CCT4: variants seen among roughly 807,000 people sequenced by gnomAD.
CCT4 encodes chaperonin containing TCP1 subunit 4.
A neutral mutation model predicts 62.5 loss-of-function variants in CCT4; 17 were observed. That is an observed-to-expected ratio of 0.27 (90% CI 0.19 to 0.41). The LOEUF (loss-of-function observed/expected upper bound fraction) is 0.41. Among genes scored for constraint, CCT4 ranks in the 10% least tolerant of loss-of-function variants. CCT4 has a pLI of 1.00. For synonymous variants in CCT4, 250 were observed against 229.9 expected (o/e 1.09, Z -0.79); for missense variants, 592 against 659.2 (o/e 0.90, Z 1.12).
chr2:61,869,383 TA>T, intron 13 of CCT4, 56 bp downstream of exon 13: 1 of 962,978 alleles, frequency 1.0e-6, no homozygotes, highest in Non-Finnish European at 1.7e-6. Context: ...AAAAAACCTT[TA>T]AAAAATATAT....
chr2:61,877,200 C>T, intron 6 of CCT4, 148 bp from the exon 7 acceptor site: 1 of 885,162 alleles, frequency 1.1e-6, no homozygotes, highest in Middle Eastern at 2.5e-4. Context: ...CTCTTTGATC[C>T]ACTGCTGCCT....
intron 10 of CCT4, 132 bp downstream of exon 10, chr2:61,872,870 T>C (rs1473173495): frequency 2.9e-6 from 2 of 696,196 alleles, no homozygotes; most frequent in Non-Finnish European, 5.1e-6. Flanking sequence ...GAGCTTGTAG[T>C]GAGCCAAGAT....
chr2:61,875,034 C>T lies in CCT4; in HGVS notation c.917+1061G>A, dbSNP rs1413326293. Among the ~76,000 whole-genome samples, 6 of 151,244 alleles carry T rather than the reference C, an allele frequency of 4.0e-5. No individual in the cohort carries two copies. In the East Asian group the frequency reaches 7.8e-4, roughly 20 times the overall value. On this transcript the variant is annotated intron_variant, in intron 8 of 13. Coordinates refer to ENST00000394440, the MANE Select transcript of CCT4 (RefSeq NM_006430.4). Reference sequence around the variant, plus strand: ...GCACATGCCTGTAATCCCAACTACTCGGGAGGCTGAGGCAGGAGACTTGCG... The same window carrying T: ...GCACATGCCTGTAATCCCAACTACTTGGGAGGCTGAGGCAGGAGACTTGCG...
chr2:61,888,481 G>A lies in CCT4; in HGVS notation c.27C>T (p.Ser9=), dbSNP rs544614460. MPENVAPR[S]GATAGAAGGR... is the part of the protein sequence containing the mutation. ...CGCCGGCAGCCCCGGCAGTCGCCCCGCTCCGGGGTGCCACATTCTCGGGCA... is the reference window on the plus strand; with the variant it reads ...CGCCGGCAGCCCCGGCAGTCGCCCCACTCCGGGGTGCCACATTCTCGGGCA... Residue 9 remains serine, a synonymous_variant, in exon 1 of 14, where the codon AGC becomes AGT. Coordinates refer to ENST00000394440, the MANE Select transcript of CCT4 (RefSeq NM_006430.4). 10 of 1,611,778 alleles carry A rather than the reference G, an allele frequency of 6.2e-6. No homozygotes were observed. Among genetic ancestry groups the A allele is most frequent in the Middle Eastern group, 1.7e-4 (1 of 6,044 alleles).
At chr2:61,877,264 T>C in intron 6 of CCT4, 129 bp downstream of exon 6, 1 of 1,043,490 alleles carries the variant, frequency 9.6e-7, no homozygotes, top group Non-Finnish European at 1.4e-6. Flanking sequence ...CTAATACAAA[T>C]TCTCACGAAA....
intron 4 of CCT4, among the ~76,000 whole-genome samples, chr2:61,879,567 C>T (rs946133112): frequency 2.6e-5 from 4 of 151,224 alleles, no homozygotes; most frequent in Non-Finnish European, 5.9e-5. Flanking sequence ...TATGAGTCAC[C>T]GCACCTGGCC....
chr2:61,886,017 C>G (rs1205802897), intron 1 of CCT4: 1 of 152,186 alleles, frequency 6.6e-6, no homozygotes, highest in East Asian at 1.9e-4. Context: ...AGAGCAAAGA[C>G]TTTTGTTCAC....
At chr2:61,882,821 T>C (rs574278776) in intron 3 of CCT4, among the ~76,000 whole-genome samples, 2,290 of 152,126 alleles carry the variant, frequency 0.015, 23 homozygotes, top group Non-Finnish European at 0.026. Flanking sequence ...TTTTTTTTTT[T>C]TTCTGGGGTT....
chr2:61,883,019 C>T (rs375514860), intron 3 of CCT4, among the ~76,000 whole-genome samples: 5 of 152,136 alleles, frequency 3.3e-5, no homozygotes, highest in African/African-American at 9.7e-5. Flanking sequence ...GTTAGGCACA[C>T]AATGTATCCT....
intron 2 of CCT4, 97 bp downstream of exon 2, chr2:61,884,923 G>A (rs1162533582): frequency 2.7e-5 from 29 of 1,073,712 alleles, no homozygotes; most frequent in Middle Eastern, 2.0e-4. Context: ...ACCACGCCCA[G>A]CCCCACTTTT....
intron 5 of CCT4, 117 bp downstream of exon 5, chr2:61,878,752 T>G (rs1001563895): frequency 3.1e-6 from 2 of 646,426 alleles, no homozygotes; most frequent in Non-Finnish European, 2.6e-6. Flanking sequence ...TTATACAGAT[T>G]ATAACAGTTA....
chr2:61,883,773 G>GACAGAGAC (rs1216181852), intron 2 of CCT4, among the ~76,000 whole-genome samples: 1 of 143,838 alleles, frequency 7.0e-6, no homozygotes, highest in East Asian at 2.1e-4. Context: ...AAGAAATGTA[G>GACAGAGAC]ACACACACAC....
intron 8 of CCT4, among the ~76,000 whole-genome samples, chr2:61,873,791 C>T (rs1395354841): frequency 6.6e-6 from 1 of 152,162 alleles, no homozygotes; most frequent in East Asian, 1.9e-4. Context: ...GTCTCGAACT[C>T]CTGACTTCAG....
intron 8 of CCT4, among the ~76,000 whole-genome samples, chr2:61,873,556 A>G (rs1422402733): frequency 9.6e-6 from 1 of 104,544 alleles, no homozygotes; most frequent in South Asian, 2.8e-4. Flanking sequence ...TTTTTTCCCC[A>G]TTTATTTATT....
intron 1 of CCT4, 163 bp downstream of exon 1, chr2:61,888,218 G>A: frequency 4.8e-6 from 4 of 838,664 alleles, no homozygotes; most frequent in Non-Finnish European, 7.1e-6. Flanking sequence ...GCGATCATCG[G>A]CAGAAAAACA....
intron 6 of CCT4, 105 bp downstream of exon 6, chr2:61,877,288 G>A: frequency 8.3e-7 from 1 of 1,204,184 alleles, no homozygotes. Context: ...AAACCAAAAA[G>A]AGAAAAGAGA....
At chr2:61,883,300 A>T (rs578150247) in intron 3 of CCT4, among the ~76,000 whole-genome samples, 159 bp downstream of exon 3, 1 of 152,108 alleles carries the variant, frequency 6.6e-6, no homozygotes, top group East Asian at 1.9e-4. Flanking sequence ...ACGAGCCTGT[A>T]ATCCCAGCTA....
intron 3 of CCT4, among the ~76,000 whole-genome samples, chr2:61,881,367 C>A (rs1247605814): frequency 6.6e-6 from 1 of 151,994 alleles, no homozygotes; most frequent in Non-Finnish European, 1.5e-5. Context: ...GGTGATCCAC[C>A]CGCCTCAGCC....
At chr2:61,882,712 T>C (rs1392122861) in intron 3 of CCT4, among the ~76,000 whole-genome samples, 3 of 152,156 alleles carry the variant, frequency 2.0e-5, no homozygotes, top group Non-Finnish European at 1.5e-5. Flanking sequence ...GGTCTCGCCA[T>C]GTTGGCCAAG....
Sources: gnomAD v4.1 joint callset for allele counts (sites outside exome capture counted in the v4.1 genomes callset) on GRCh38, gnomAD v4.1.1 for gene constraint, MANE v1.5 for transcripts, NCBI Gene and HGNC (gene_info 2026-07-23, HGNC 2026-07-21) for gene names.